The following NLK variants were observed in gnomAD, a reference collection of about 807,000 sequenced individuals.
The protein encoded by NLK is nemo like kinase.
NLK carries 11 observed loss-of-function variants against 59.0 expected under a neutral mutation model. That is an observed-to-expected ratio of 0.19 (90% confidence interval 0.12 to 0.31). NLK has a LOEUF of 0.31. NLK is among the 10% of genes least tolerant of loss of function. The pLI is 1.00. For synonymous variants in NLK, 235 were observed against 235.9 expected (o/e 1.00, Z 0.03); for missense variants, 410 against 661.1 (o/e 0.62, Z 4.16).
At chr17:28,105,177 C>T (rs1328775494) in intron 1 of NLK, among the ~76,000 whole-genome samples, 1 of 152,132 alleles carries the variant, frequency 6.6e-6, no homozygotes, top group African/African-American at 2.4e-5. Context: ...AGGTTTCTGT[C>T]ACAGCTAAAG....
intron 3 of NLK, among the ~76,000 whole-genome samples, chr17:28,150,206 A>G: frequency 6.6e-6 from 1 of 152,180 alleles, no homozygotes; most frequent in East Asian, 1.9e-4. Flanking sequence ...ATCATATATG[A>G]AGTGGCACAT....
chr17:28,061,241 T>C (rs1303336439), intron 1 of NLK, among the ~76,000 whole-genome samples: 1 of 152,234 alleles, frequency 6.6e-6, no homozygotes, highest in Non-Finnish European at 1.5e-5. Context: ...TTTACCATTC[T>C]GTAATTCTAT....
chr17:28,084,190 G>A (rs769522229), intron 1 of NLK, among the ~76,000 whole-genome samples: 1 of 152,146 alleles, frequency 6.6e-6, no homozygotes, highest in Non-Finnish European at 1.5e-5. Flanking sequence ...CTACCTATGA[G>A]TATTGTTTCC....
chr17:28,152,594 C>G (rs905946406), intron 3 of NLK, among the ~76,000 whole-genome samples: 7 of 151,750 alleles, frequency 4.6e-5, no homozygotes, highest in African/African-American at 1.7e-4. Flanking sequence ...CTCAGCAGAT[C>G]TGGCTGACAT....
At chr17:28,157,198 A>ATT (rs200134350) in intron 3 of NLK, among the ~76,000 whole-genome samples, 5 of 139,268 alleles carry the variant, frequency 3.6e-5, no homozygotes, top group Admixed American at 2.9e-4. Context: ...TAAAAAAAAA[A>ATT]TTTTTTTTTT....
chr17:28,072,334 T>C (rs528148465), intron 1 of NLK, among the ~76,000 whole-genome samples: 16 of 151,194 alleles, frequency 1.1e-4, no homozygotes, highest in Non-Finnish European at 1.8e-4. Flanking sequence ...TTTCTTTTTT[T>C]TTTTTTTTTG....
At chr17:28,168,725 A>G in intron 6 of NLK, 68 bp downstream of exon 6, 4 of 1,252,620 alleles carry the variant, frequency 3.2e-6, no homozygotes, top group Non-Finnish European at 4.7e-6. Context: ...CATCTTGCAC[A>G]TGTGTCTTGG....
chr17:28,189,082 G>A (rs751949310), intron 8 of NLK, among the ~76,000 whole-genome samples: 2 of 151,812 alleles, frequency 1.3e-5, no homozygotes, highest in Non-Finnish European at 2.9e-5. Flanking sequence ...TCAGTGACAG[G>A]TCACCATCAA....
intron 7 of NLK, among the ~76,000 whole-genome samples, chr17:28,174,985 ATT>A (rs750590388): frequency 4.5e-4 from 59 of 131,162 alleles, no homozygotes; most frequent in Middle Eastern, 4.0e-3. Context: ...AGCCACCTGG[ATT>A]TTTTTTTTTT....
At chr17:28,192,470 A>ACCAGC (rs1909340404) in intron 10 of NLK, among the ~76,000 whole-genome samples, 1 of 152,066 alleles carries the variant, frequency 6.6e-6, no homozygotes, top group Non-Finnish European at 1.5e-5. Flanking sequence ...GGAGTTCAAG[A>ACCAGC]CCAGCCTGAC....
intron 8 of NLK, among the ~76,000 whole-genome samples, chr17:28,185,624 CT>C (rs1909086876): frequency 6.6e-6 from 1 of 152,306 alleles, no homozygotes; most frequent in African/African-American, 2.4e-5. Flanking sequence ...TCTCAGCTCA[CT>C]GTACCCTCAA....
At chr17:28,070,107 A>G (rs1451389885) in intron 1 of NLK, among the ~76,000 whole-genome samples, 1 of 151,782 alleles carries the variant, frequency 6.6e-6, no homozygotes, top group Non-Finnish European at 1.5e-5. Context: ...ATAGTGGCCT[A>G]TGCCTGTAAT....
At chr17:28,157,375 G>C (rs1240777531) in intron 3 of NLK, among the ~76,000 whole-genome samples, 1 of 151,944 alleles carries the variant, frequency 6.6e-6, no homozygotes, top group Non-Finnish European at 1.5e-5. Context: ...ATTTTTAGTA[G>C]AGATGGGGTT....
At chr17:28,167,228 G>A (rs1908270417) in intron 5 of NLK, among the ~76,000 whole-genome samples, 1 of 151,820 alleles carries the variant, frequency 6.6e-6, no homozygotes, top group South Asian at 2.1e-4. Flanking sequence ...TGGTTTTGTG[G>A]GGGTTTTTAA....
chr17:28,184,520 GATAA>G (rs1909039896), intron 7 of NLK, among the ~76,000 whole-genome samples: 2 of 152,092 alleles, frequency 1.3e-5, no homozygotes, highest in African/African-American at 2.4e-5. Context: ...GTGTACGCAC[GATAA>G]ATAAATGTGT....
chr17:28,047,577 A>C (rs1241191697), intron 1 of NLK, among the ~76,000 whole-genome samples: 1 of 152,250 alleles, frequency 6.6e-6, no homozygotes, highest in Non-Finnish European at 1.5e-5. Context: ...AATGAAAGAC[A>C]TCCTTATTGT....
chr17:28,174,023 C>T (rs1231697756), intron 7 of NLK, among the ~76,000 whole-genome samples: 1 of 152,088 alleles, frequency 6.6e-6, no homozygotes, highest in Non-Finnish European at 1.5e-5. Context: ...TAAACAGCAG[C>T]CTGAAGAACA....
intron 1 of NLK, among the ~76,000 whole-genome samples, chr17:28,108,398 T>A (rs755096847): frequency 1.3e-5 from 2 of 152,084 alleles, no homozygotes; most frequent in Non-Finnish European, 2.9e-5. Context: ...TTAGCTATTA[T>A]ATAAAAATTA....
chr17:28,121,207 GAGCCTA>G (rs72296592), intron 1 of NLK, among the ~76,000 whole-genome samples: 2,235 of 152,014 alleles, frequency 0.015, 44 homozygotes, highest in African/African-American at 0.05. Flanking sequence ...ATGAGCCACT[GAGCCTA>G]GCCTCAAATT....
Sources: gnomAD v4.1 joint callset for allele counts (sites outside exome capture counted in the v4.1 genomes callset) on GRCh38, gnomAD v4.1.1 for gene constraint, MANE v1.5 for transcripts, NCBI Gene and HGNC (gene_info 2026-07-23, HGNC 2026-07-21) for gene names.